Variants in CREB5 observed in about 807,000 individuals in gnomAD.
CREB5 encodes cyclic AMP-responsive element-binding protein 5.
Under a neutral mutation model 57.1 loss-of-function variants are expected in CREB5, and 19 were observed. The observed-to-expected ratio is 0.33, with a 90% CI of 0.23 to 0.49. The LOEUF is 0.49. Among genes scored for constraint, CREB5 ranks in the 20% least tolerant of loss-of-function variants. The pLI is 0.99. For synonymous variants in CREB5, 238 were observed against 238.3 expected (o/e 1.00, Z 0.01); for missense variants, 579 against 671.6 (o/e 0.86, Z 1.52).
At chr7:28,359,748 G>A (rs1157600998) in intron 1 of CREB5, among the ~76,000 whole-genome samples, 1 of 152,008 alleles carries the variant, frequency 6.6e-6, no homozygotes, top group Non-Finnish European at 1.5e-5. Context: ...AAAAGCTTCT[G>A]TACATCAAAG....
chr7:28,307,432 A>G (rs1044970569), intron 1 of CREB5, among the ~76,000 whole-genome samples: 2 of 152,238 alleles, frequency 1.3e-5, no homozygotes, highest in African/African-American at 4.8e-5. Flanking sequence ...TGTTGTCACA[A>G]AAGGGGAGAC....
rs1340420457 is a variant in CREB5 at position 28,564,071 on chromosome 7, G to T, written c.292-6294G>T. On this transcript the variant is annotated intron_variant, in intron 4 of 10. Transcript: ENST00000357727. ...CAGAAAGCCTAGTAGCTTCCAGAGG[G>T]TTAGAACCTTTGTTATTCTGTGAAT... Among the ~76,000 whole-genome samples the T allele has an allele frequency of 1.3e-5, 2 of 152,032 alleles. 1 individual carries two copies. Among genetic ancestry groups the T allele is most frequent in the African/African-American group, 4.8e-5 (2 of 41,374 alleles).
chr7:28,730,377 T>A lies in CREB5; in HGVS notation c.702+6045T>A, dbSNP rs552852846. Among the ~76,000 whole-genome samples, 3 of 148,980 alleles carry A rather than the reference T, an allele frequency of 2.0e-5. No homozygotes were observed. In the Admixed American group the frequency reaches 2.0e-4, roughly 10 times the overall value. The stretch of plus-strand genomic sequence containing the variant: ...TAATTTTTTTTTTTTTGAGACAGAG[T>A]CTCCCTATGTTGCTTAGGCTCATCT... On this transcript the variant is annotated intron_variant, in intron 7 of 10. Transcript: ENST00000357727.
chr7:28,366,485 A>T lies in CREB5; in HGVS notation c.-25+67044A>T, dbSNP rs375971293. Among the ~76,000 whole-genome samples, 245 of 152,254 alleles carry T rather than the reference A, an allele frequency of 1.6e-3. 1 individual carries two copies. The highest frequency in any genetic ancestry group is 0.014 in the Middle Eastern group (4 of 294). ...ACAGAGTTCAGCATTAATCCTCTCC[A>T]TATTTTGTCTTTTTAAAAGATGTCA... On this transcript the variant is annotated intron_variant, in intron 1 of 9. Coordinates refer to the CREB5 transcript ENST00000396299.
intron 7 of CREB5, chr7:28,778,884 G>A (rs1352458856): frequency 6.6e-5 from 10 of 152,110 alleles, no homozygotes; most frequent in Admixed American, 6.6e-5. Context: ...ATTTAATCAC[G>A]TATTTTTATA....
At position 28,560,931 on chromosome 7, in the gene CREB5, T is replaced by TGTGCGC. The variant is rs1562797936; in HGVS notation, c.292-9431_292-9430insCGCGTG. ...GTGCGTGTGCGTGTGTGCGCGTGCGTGTGTGCGTGCGTGTGTGTGCGTGTG... is the reference window on the plus strand; with the variant it reads ...GTGCGTGTGCGTGTGTGCGCGTGCGTGTGCGCGTGTGCGTGCGTGTGTGTGCGTGTG... On this transcript the variant is annotated intron_variant, in intron 4 of 10. Transcript: ENST00000357727. Among the ~76,000 whole-genome samples the TGTGCGC allele has an allele frequency of 4.1e-5, 2 of 48,532 alleles. 1 individual carries two copies. Among genetic ancestry groups the TGTGCGC allele is most frequent in the Non-Finnish European group, 7.5e-5 (2 of 26,532 alleles). The allele number at this position is 48,532 out of a possible 152,430, so 31.8% of individuals were successfully genotyped here.
At chr7:28,407,734 A>G (rs554717222), upstream of CREB5, among the ~76,000 whole-genome samples, 321 of 152,344 alleles carry the variant, frequency 2.1e-3, no homozygotes, top group Admixed American at 1.2e-3. Flanking sequence ...GGAACACTAA[A>G]GGGCAAGGGG....
intron 5 of CREB5, among the ~76,000 whole-genome samples, chr7:28,645,126 A>G (rs1798840841): frequency 6.6e-6 from 1 of 152,322 alleles, no homozygotes; most frequent in Admixed American, 6.5e-5. Flanking sequence ...CCCAGCCTTC[A>G]GCTGAGTAAT....
At chr7:28,689,527 T>C (rs1302115996) in intron 5 of CREB5, among the ~76,000 whole-genome samples, 1 of 152,142 alleles carries the variant, frequency 6.6e-6, no homozygotes, top group African/African-American at 2.4e-5. Context: ...TTACCCTCAA[T>C]GGTAACATCT....
At chr7:28,695,671 C>T (rs1479334978) in intron 5 of CREB5, among the ~76,000 whole-genome samples, 5 of 152,154 alleles carry the variant, frequency 3.3e-5, no homozygotes, top group African/African-American at 1.2e-4. Flanking sequence ...TCCCACCACT[C>T]TCTTCTCTCC....
intron 1 of CREB5, among the ~76,000 whole-genome samples, chr7:28,363,447 G>A (rs534803012): frequency 6.6e-6 from 1 of 152,058 alleles, no homozygotes; most frequent in East Asian, 1.9e-4. Flanking sequence ...ATCTTCCCTT[G>A]TCAACCTGCT....
At chr7:28,667,995 G>C (rs1488831066) in intron 5 of CREB5, among the ~76,000 whole-genome samples, 1 of 152,180 alleles carries the variant, frequency 6.6e-6, no homozygotes, top group Non-Finnish European at 1.5e-5. Context: ...GTCACATGAA[G>C]TTAATCATAC....
At chr7:28,541,307 A>G (rs1009541589) in intron 4 of CREB5, among the ~76,000 whole-genome samples, 2 of 152,172 alleles carry the variant, frequency 1.3e-5, no homozygotes, top group Admixed American at 6.5e-5. Context: ...TCGACCATAT[A>G]TTAGGAGTGT....
At chr7:28,468,039 G>A (rs1188173351) in intron 1 of CREB5, among the ~76,000 whole-genome samples, 2 of 152,192 alleles carry the variant, frequency 1.3e-5, no homozygotes, top group African/African-American at 4.8e-5. Flanking sequence ...AGAACACAGT[G>A]CGTGGGTACA....
At chr7:28,562,820 C>A (rs1472892304) in intron 4 of CREB5, among the ~76,000 whole-genome samples, 2 of 152,218 alleles carry the variant, frequency 1.3e-5, no homozygotes, top group African/African-American at 4.8e-5. Flanking sequence ...TCTCAGACCA[C>A]ATACCAATAT....
intron 4 of CREB5, among the ~76,000 whole-genome samples, chr7:28,521,326 A>G (rs564925107): frequency 9.3e-4 from 141 of 152,298 alleles, no homozygotes; most frequent in Admixed American, 1.9e-3. Flanking sequence ...ATACTGTAGG[A>G]AAAGATTATC....
chr7:28,737,485 T>TTCTCTC (rs142651748), intron 7 of CREB5, among the ~76,000 whole-genome samples: 7 of 135,224 alleles, frequency 5.2e-5, no homozygotes, highest in African/African-American at 1.7e-4. Context: ...ACATAGTAAT[T>TTCTCTC]TCTCTCTCTC....
chr7:28,596,923 G>A (rs1238083306), intron 5 of CREB5, among the ~76,000 whole-genome samples: 1 of 152,110 alleles, frequency 6.6e-6, no homozygotes, highest in East Asian at 1.9e-4. Context: ...GAACCTTAGG[G>A]CCAAGATAAT....
chr7:28,410,298 C>A (rs1325386783), upstream of CREB5: 3 of 456,512 alleles, frequency 6.6e-6, no homozygotes, highest in African/African-American at 4.0e-5. Flanking sequence ...TTGCTGGCAT[C>A]GTTACCTCTT....
Sources: allele counts gnomAD v4.1 joint callset (sites outside exome capture counted in the v4.1 genomes callset), GRCh38; gene constraint gnomAD v4.1.1; transcripts MANE v1.5; gene names NCBI Gene and HGNC (gene_info 2026-07-23, HGNC 2026-07-21).